Variants in GXYLT2 observed in about 807,000 individuals in gnomAD.
The protein encoded by GXYLT2 is glucoside xylosyltransferase 2, also known as glycosyltransferase 8 domain containing 4.
In GXYLT2, 53 loss-of-function variants were observed where a neutral mutation model predicts 45.8. The ratio of observed to expected loss-of-function variants is 1.16; its 90% CI spans 0.93 to 1.46. The LOEUF (loss-of-function observed/expected upper bound fraction) is 1.46. Among genes scored for constraint, GXYLT2 ranks in the 40% most tolerant of loss-of-function variants. GXYLT2 has a pLI of 0.00. For missense variants in GXYLT2, 551 were observed against 544.4 expected, an observed-to-expected ratio of 1.01 and a Z score of -0.12; for synonymous variants, 219 against 214.2, an observed-to-expected ratio of 1.02 and a Z score of -0.19.
At chr3:72,910,486 G>C (rs1709595401) in intron 2 of GXYLT2, among the ~76,000 whole-genome samples, 2 of 152,162 alleles carry the variant, frequency 1.3e-5, no homozygotes, top group South Asian at 4.1e-4. Context: ...TAGCGGGTTT[G>C]CTAAAAGAGA....
chr3:72,903,588 C>T (rs569889968), intron 1 of GXYLT2, among the ~76,000 whole-genome samples: 1 of 152,172 alleles, frequency 6.6e-6, no homozygotes, highest in South Asian at 2.1e-4. Flanking sequence ...TGGGAGTCTG[C>T]AAAATAACAA....
Position 72,949,502 on chromosome 3 carries a change from C to CTTTTTTT in GXYLT2, c.601-5574_601-5568dup, listed in dbSNP as rs56323434. On this transcript the variant is annotated intron_variant, in intron 3 of 6. Coordinates refer to ENST00000389617, the MANE Select transcript of GXYLT2 (RefSeq NM_001080393.2). ...TATGTATCATTCTTTCTTTCTTTTT[C>CTTTTTTT]TTTTTTTTTTTTTTTTTTTTTTTTT... is the stretch of plus-strand genomic sequence containing the variant. Among the ~76,000 whole-genome samples the CTTTTTTT allele has an allele frequency of 3.2e-3, 236 of 72,660 alleles. 1 individual carries two copies. Among genetic ancestry groups the CTTTTTTT allele is most frequent in the African/African-American group, 7.1e-3 (115 of 16,196 alleles). 47.7% of individuals were successfully genotyped at this position (72,660 alleles called of 152,430 possible).
chr3:72,955,001 A>G, intron 3 of GXYLT2, 97 bp from the exon 4 acceptor site: 1 of 1,253,792 alleles, frequency 8.0e-7, no homozygotes, highest in Non-Finnish European at 1.1e-6. Flanking sequence ...AGTTGGTAGC[A>G]TTATTTACCT....
intron 1 of GXYLT2, among the ~76,000 whole-genome samples, chr3:72,906,909 G>C (rs1404972204): frequency 6.6e-6 from 1 of 152,146 alleles, no homozygotes; most frequent in African/African-American, 2.4e-5. Context: ...TGGGGACAGC[G>C]GGGAGCCCTT....
At position 72,888,417 on chromosome 3, in the gene GXYLT2, G is replaced by A. The variant is rs979068907; in HGVS notation, c.184G>A (p.Gly62Arg). 2.8e-6 allele frequency: 3 copies of A among 1,058,220 alleles called. No individual in the cohort carries two copies. The highest frequency in any genetic ancestry group is 4.4e-5 in the South Asian group (1 of 22,782). 65.6% of individuals were successfully genotyped at this position (1,058,220 alleles called of 1,614,324 possible). The stretch of plus-strand genomic sequence containing the variant: ...CTGGCCGGGGCCGGGCGCCCTCCCC[G>A]GGGCCAGCCCGGGAGTTCGGAGGCG... ...ARWPGPGALP[G>R]ASPGVRRRRP... The change falls in exon 1 of 7, where the codon GGG (glycine) becomes AGG (arginine). Residue 62 changes from glycine to arginine, a missense_variant. Gly to Arg is a moderately radical substitution (Grantham distance 125). Transcript: ENST00000389617.
intron 3 of GXYLT2, among the ~76,000 whole-genome samples, chr3:72,922,840 C>G (rs952067299): frequency 1.3e-5 from 2 of 152,094 alleles, no homozygotes; most frequent in Non-Finnish European, 2.9e-5. Flanking sequence ...AATCTTGAGG[C>G]CGGCATGGCG....
intron 2 of GXYLT2, among the ~76,000 whole-genome samples, chr3:72,914,223 T>G (rs1263316411): frequency 1.3e-5 from 2 of 152,170 alleles, no homozygotes; most frequent in Non-Finnish European, 2.9e-5. Flanking sequence ...TTTTTAAAGT[T>G]GCATATGTAC....
At chr3:72,889,651 T>A (rs1461162758) in intron 1 of GXYLT2, among the ~76,000 whole-genome samples, 2 of 152,172 alleles carry the variant, frequency 1.3e-5, no homozygotes, top group African/African-American at 4.8e-5. Flanking sequence ...TTAATAGGAT[T>A]TCCCCTCTTC....
At chr3:72,923,704 T>A (rs529486390) in intron 3 of GXYLT2, among the ~76,000 whole-genome samples, 7 of 152,306 alleles carry the variant, frequency 4.6e-5, no homozygotes, top group African/African-American at 1.4e-4. Flanking sequence ...ATTAGAAGTA[T>A]GACCAGTACT....
At chr3:72,950,616 T>G (rs1710503661) in intron 3 of GXYLT2, among the ~76,000 whole-genome samples, 1 of 146,822 alleles carries the variant, frequency 6.8e-6, no homozygotes, top group African/African-American at 2.6e-5. Context: ...GGTGACAGAG[T>G]GAAACCCTGT....
chr3:72,954,674 A>C (rs1710599724), intron 3 of GXYLT2, among the ~76,000 whole-genome samples: 1 of 151,402 alleles, frequency 6.6e-6, no homozygotes. Context: ...ATAAATAAAT[A>C]AATAGAGATT....
intron 3 of GXYLT2, among the ~76,000 whole-genome samples, chr3:72,954,399 C>CTCTG (rs376700096): frequency 1.9e-4 from 26 of 133,892 alleles, no homozygotes; most frequent in African/African-American, 7.4e-4. Context: ...TGCTCCCAGC[C>CTCTG]TGTGTGTGTG....
At position 72,922,235 on chromosome 3, in the gene GXYLT2, A is replaced by C; in HGVS notation, c.500A>C (p.Lys167Thr). 1 of 1,613,728 alleles carries C rather than the reference A, an allele frequency of 6.2e-7. No individual in the cohort carries two copies. Among genetic ancestry groups the C allele is most frequent in the Non-Finnish European group, 8.5e-7 (1 of 1,179,724 alleles). The change falls in exon 3 of 7, where the codon AAG (lysine) becomes ACG (threonine). Residue 167 changes from lysine (K) to threonine (T), a missense_variant. Transcript: ENST00000389617. ...CAGTGGCCTGACTCATATACAAAGA[A>C]GTTTGAGCACAGAATCTACCCCATC... ...LRQWPDSYTK[K>T]FEHRIYPITF...
intron 1 of GXYLT2, among the ~76,000 whole-genome samples, chr3:72,898,514 C>G (rs948857834): frequency 6.6e-6 from 1 of 152,090 alleles, no homozygotes; most frequent in Non-Finnish European, 1.5e-5. Flanking sequence ...AGTCCAGGTG[C>G]CTTCATAGAA....
chr3:72,901,622 A>G (rs1315704180), intron 1 of GXYLT2, among the ~76,000 whole-genome samples: 16 of 119,674 alleles, frequency 1.3e-4, no homozygotes, highest in Non-Finnish European at 2.2e-4. Context: ...GTGCAGTGGC[A>G]TGATCTCAGC....
chr3:72,909,126 T>C (rs1263001056), intron 2 of GXYLT2, among the ~76,000 whole-genome samples: 5 of 142,904 alleles, frequency 3.5e-5, no homozygotes, highest in Admixed American at 7.4e-5. Flanking sequence ...TGGAGTCCAG[T>C]GGTGCGATCT....
chr3:72,896,311 A>G (rs1158382541), intron 1 of GXYLT2, among the ~76,000 whole-genome samples: 1 of 152,242 alleles, frequency 6.6e-6, no homozygotes, highest in Non-Finnish European at 1.5e-5. Flanking sequence ...CTGGTGGCTC[A>G]TGCCTGTAAT....
chr3:72,925,008 T>C (rs189542578), intron 3 of GXYLT2, among the ~76,000 whole-genome samples: 25 of 152,154 alleles, frequency 1.6e-4, no homozygotes, highest in Admixed American at 1.4e-3. Flanking sequence ...AATCGTCACA[T>C]CTATCGGTCT....
At chr3:72,905,341 C>T (rs755686741) in intron 1 of GXYLT2, among the ~76,000 whole-genome samples, 3 of 152,118 alleles carry the variant, frequency 2.0e-5, no homozygotes. Context: ...TGGTCTCGAA[C>T]TCCTGACCTC....
Sources: allele counts gnomAD v4.1 joint callset (sites outside exome capture counted in the v4.1 genomes callset), GRCh38; gene constraint gnomAD v4.1.1; transcripts MANE v1.5; gene names NCBI Gene and HGNC (gene_info 2026-07-23, HGNC 2026-07-21).